The following INPP4A variants were observed in gnomAD, a reference collection of about 807,000 sequenced individuals.
INPP4A encodes inositol polyphosphate-4-phosphatase type I A.
Under a neutral mutation model 119.8 loss-of-function variants are expected in INPP4A, and 33 were observed. The ratio of observed to expected loss-of-function variants is 0.28; its 90% confidence interval spans 0.21 to 0.37. INPP4A has a LOEUF of 0.37. Among genes scored for constraint, INPP4A ranks in the 10% least tolerant of loss-of-function variants. The probability of loss-of-function intolerance (pLI) is 1.00; values close to 1 mark genes in which losing one functional copy is unlikely to be tolerated. For synonymous variants in INPP4A, 496 were observed against 500.7 expected (o/e 0.99, Z 0.12); for missense variants, 956 against 1,289.9 (o/e 0.74, Z 3.97).
intron 16 of INPP4A, among the ~76,000 whole-genome samples, chr2:98,557,570 A>C (rs1559071796): frequency 6.6e-6 from 1 of 152,252 alleles, no homozygotes; most frequent in Non-Finnish European, 1.5e-5. Flanking sequence ...TGTTCACACC[A>C]ACATATTTAT....
chr2:98,532,997 C>T (rs1412634232), intron 4 of INPP4A, among the ~76,000 whole-genome samples: 1 of 152,210 alleles, frequency 6.6e-6, no homozygotes, highest in East Asian at 1.9e-4. Context: ...ATGGGTAGCT[C>T]TGTCTTAGAT....
In INPP4A at chr2:98,533,490, A is replaced by G. The variant is rs1689641192; in HGVS notation, c.265A>G (p.Ile89Val). The G allele has an allele frequency of 6.3e-7, 1 of 1,594,218 alleles. No homozygotes were observed. The highest frequency in any genetic ancestry group is 8.6e-7 in the Non-Finnish European group (1 of 1,162,060). The change falls in exon 5 of 25, where the codon ATT becomes GTT. Residue 89 changes from isoleucine to valine, a missense_variant. Ile to Val is a conservative substitution (Grantham distance 29, BLOSUM62 3). Around this residue, in one of 2 missense-constraint regions of INPP4A, gnomAD observed 652 missense variants for 797.9 expected, o/e 0.82. Coordinates refer to ENST00000409851, the MANE Select transcript of INPP4A (RefSeq NM_001134225.2). The part of the protein sequence containing the change: ...FWTKHAQTEI[I>V]EGTNNPIFLS... ...GACGAAGCATGCACAGACGGAGATC[A>G]TTGAGGTGGGTGCTGGTGGTCTCTC...
At chr2:98,581,990 T>C (rs1235180613) in intron 24 of INPP4A, among the ~76,000 whole-genome samples, 1 of 152,220 alleles carries the variant, frequency 6.6e-6, no homozygotes, top group Admixed American at 6.5e-5. Flanking sequence ...TTGTAACATG[T>C]TCTTACGGTG....
chr2:98,453,574 G>T (rs1695583571), intron 1 of INPP4A, among the ~76,000 whole-genome samples: 1 of 152,114 alleles, frequency 6.6e-6, no homozygotes. Flanking sequence ...GGAAGGTGGG[G>T]CCTACGCTGG....
At chr2:98,445,550 T>C (rs1694048256) in intron 1 of INPP4A, among the ~76,000 whole-genome samples, 1 of 152,254 alleles carries the variant, frequency 6.6e-6, no homozygotes, top group South Asian at 2.1e-4. Flanking sequence ...ACAACATTTC[T>C]AGCATCTTTG....
chr2:98,497,291 A>G (rs1682191157), intron 1 of INPP4A, among the ~76,000 whole-genome samples: 1 of 152,242 alleles, frequency 6.6e-6, no homozygotes, highest in South Asian at 2.1e-4. Context: ...AGTTTGCTGC[A>G]CAGGTGGGGC....
chr2:98,517,443 C>T (rs768431404), intron 1 of INPP4A, among the ~76,000 whole-genome samples: 30 of 152,132 alleles, frequency 2.0e-4, no homozygotes, highest in Admixed American at 1.5e-3. Flanking sequence ...AGTTTTCCAG[C>T]GCGGGTGACT....
chr2:98,447,434 G>A lies in INPP4A; in HGVS notation c.-166+2349G>A, dbSNP rs948927517. Among the ~76,000 whole-genome samples, 6 of 152,158 alleles carry A rather than the reference G, an allele frequency of 3.9e-5. No individual in the cohort carries two copies. The South Asian group carries it at 6.2e-4, about 16-fold the overall frequency. On this transcript the variant is annotated intron_variant, in intron 1 of 24. Coordinates refer to ENST00000409851, the MANE Select transcript of INPP4A (RefSeq NM_001134225.2). ...ATATTTTGAGGAGACCAATATTAAC[G>A]CCCATGCAGGCTTGCTTCATTTTGT...
chr2:98,508,423 C>T (rs1574821263), intron 1 of INPP4A, among the ~76,000 whole-genome samples: 1 of 152,200 alleles, frequency 6.6e-6, no homozygotes, highest in Non-Finnish European at 1.5e-5. Context: ...CTGGAATGAA[C>T]CTTTGAGTAA....
intron 1 of INPP4A, among the ~76,000 whole-genome samples, chr2:98,454,314 C>A (rs1432461468): frequency 6.6e-6 from 1 of 152,164 alleles, no homozygotes; most frequent in Non-Finnish European, 1.5e-5. Context: ...GCTATGATCC[C>A]CATTATTTAA....
At chr2:98,531,675 G>C (rs1306789848) in intron 4 of INPP4A, among the ~76,000 whole-genome samples, 1 of 152,116 alleles carries the variant, frequency 6.6e-6, no homozygotes, top group African/African-American at 2.4e-5. Context: ...AAAAACAGAG[G>C]CCTAGGCACA....
intron 16 of INPP4A, chr2:98,556,034 A>G (rs1007900308): frequency 1.3e-5 from 7 of 533,172 alleles, no homozygotes; most frequent in Non-Finnish European, 2.3e-5. Context: ...CATCTCTGCC[A>G]GTCAGAATCT....
intron 1 of INPP4A, among the ~76,000 whole-genome samples, chr2:98,472,806 G>A (rs560971591): frequency 1.3e-5 from 2 of 152,378 alleles, no homozygotes; most frequent in Admixed American, 1.3e-4. Flanking sequence ...CCAGAGTCTT[G>A]CAGCTTAGCT....
At chr2:98,477,188 G>GGGACGT (rs1677405156) in intron 1 of INPP4A, among the ~76,000 whole-genome samples, 1 of 152,346 alleles carries the variant, frequency 6.6e-6, no homozygotes, top group African/African-American at 2.4e-5. Flanking sequence ...GTTCTCCCTG[G>GGGACGT]GGACGTGTAG....
chr2:98,507,275 G>T (rs1397088329), intron 1 of INPP4A, among the ~76,000 whole-genome samples: 2 of 152,184 alleles, frequency 1.3e-5, no homozygotes, highest in Non-Finnish European at 2.9e-5. Flanking sequence ...GTTGGGGTTT[G>T]CTTGTGTTAA....
chr2:98,564,532 T>C, intron 18 of INPP4A, 108 bp from the exon 19 acceptor site: 1 of 1,370,134 alleles, frequency 7.3e-7, no homozygotes, highest in Non-Finnish European at 1.0e-6. Context: ...GAAGCCCCTT[T>C]GAGCAGTGGC....
chr2:98,512,349 G>C (rs1685275575), intron 1 of INPP4A, among the ~76,000 whole-genome samples: 1 of 152,212 alleles, frequency 6.6e-6, no homozygotes, highest in East Asian at 1.9e-4. Context: ...CCCACTCTGG[G>C]CCTCACAGGT....
chr2:98,492,110 G>A (rs895848890), intron 1 of INPP4A, among the ~76,000 whole-genome samples: 1 of 152,006 alleles, frequency 6.6e-6, no homozygotes, highest in Non-Finnish European at 1.5e-5. Context: ...GGCTGATCTC[G>A]AACACTGACC....
chr2:98,457,063 G>C (rs1442304478), intron 1 of INPP4A, among the ~76,000 whole-genome samples: 3 of 152,150 alleles, frequency 2.0e-5, no homozygotes, highest in South Asian at 2.1e-4. Flanking sequence ...GAGCATTCAG[G>C]TTTTAAAGTT....
Sources: gnomAD v4.1 joint callset for allele counts (sites outside exome capture counted in the v4.1 genomes callset) on GRCh38, gnomAD v4.1.1 for gene constraint, gnomAD v4.1.1 regional missense constraint, MANE v1.5 for transcripts, NCBI Gene and HGNC (gene_info 2026-07-23, HGNC 2026-07-21) for gene names.